Variants in SLC23A2 observed in about 807,000 individuals in gnomAD.
SLC23A2 encodes the protein Na(+)/L-ascorbic acid transporter 2.
A neutral mutation model predicts 73.3 loss-of-function variants in SLC23A2; 36 were observed. The observed-to-expected ratio is 0.49, with a 90% CI of 0.38 to 0.65. The LOEUF (loss-of-function observed/expected upper bound fraction) is 0.65. Among genes scored for constraint, SLC23A2 ranks in the 30% least tolerant of loss-of-function variants. The probability of loss-of-function intolerance (pLI) is 0.00; values close to 1 mark genes in which losing one functional copy is unlikely to be tolerated. For synonymous variants in SLC23A2, 343 were observed against 327.3 expected, an observed-to-expected ratio of 1.05 and a Z score of -0.52; for missense variants, 507 against 841.6, an observed-to-expected ratio of 0.60 and a Z score of 4.92.
chr20:4,866,342 A>T (rs180835791), intron 13 of SLC23A2, among the ~76,000 whole-genome samples: 1 of 152,352 alleles, frequency 6.6e-6, no homozygotes, highest in East Asian at 1.9e-4. Flanking sequence ...CCACAGATAC[A>T]GAGGGCCGGC....
At chr20:4,909,536 T>G (rs1932070649) in intron 4 of SLC23A2, among the ~76,000 whole-genome samples, 1 of 152,104 alleles carries the variant, frequency 6.6e-6, no homozygotes, top group Non-Finnish European at 1.5e-5. Context: ...TTAAAGAGAA[T>G]CCACAGGGAT....
At chr20:4,970,670 A>T (rs2087546751) in intron 2 of SLC23A2, 123 bp downstream of exon 2, 1 of 152,248 alleles carries the variant, frequency 6.6e-6, no homozygotes, top group Admixed American at 6.5e-5. Context: ...CCAGTAGGCC[A>T]AGGCTGCCAC....
chr20:4,964,202 C>G (rs1448729311), intron 2 of SLC23A2, among the ~76,000 whole-genome samples: 1 of 151,918 alleles, frequency 6.6e-6, no homozygotes, highest in African/African-American at 2.4e-5. Flanking sequence ...CCCACGTTGC[C>G]CTGGCTGGTC....
chr20:4,933,072 T>C (rs1228374632), intron 2 of SLC23A2, among the ~76,000 whole-genome samples: 1 of 152,242 alleles, frequency 6.6e-6, no homozygotes, highest in Non-Finnish European at 1.5e-5. Flanking sequence ...GTTATATATC[T>C]GTCCTATCCA....
chr20:4,944,790 A>G (rs1161168326), intron 2 of SLC23A2, among the ~76,000 whole-genome samples: 1 of 152,220 alleles, frequency 6.6e-6, no homozygotes, highest in Non-Finnish European at 1.5e-5. Context: ...AGGTTCAATG[A>G]TGAAGCACAT....
intron 1 of SLC23A2, among the ~76,000 whole-genome samples, chr20:4,990,244 G>A (rs1032212342): frequency 6.6e-6 from 1 of 152,174 alleles, no homozygotes; most frequent in Non-Finnish European, 1.5e-5. Context: ...GACTGGCCAG[G>A]TGCAGTGGCT....
At chr20:4,984,769 C>T (rs147856922) in intron 1 of SLC23A2, among the ~76,000 whole-genome samples, 1 of 152,176 alleles carries the variant, frequency 6.6e-6, no homozygotes, top group East Asian at 1.9e-4. Context: ...TCAGCAAGGA[C>T]ACAGAGAAAT....
At chr20:4,925,170 A>G (rs2122925552) in intron 3 of SLC23A2, among the ~76,000 whole-genome samples, 1 of 151,814 alleles carries the variant, frequency 6.6e-6, no homozygotes, top group South Asian at 2.1e-4. Flanking sequence ...ATGATAGAGC[A>G]AGACTCTGTC....
At position 4,862,896 on chromosome 20, in the gene SLC23A2, G is replaced by T. The variant is rs1228807141; in HGVS notation, c.1368C>A (p.Arg456=). The T allele has an allele frequency of 1.2e-5, 20 of 1,610,906 alleles. No individual in the cohort carries two copies. The highest frequency in any genetic ancestry group is 1.7e-5 in the Non-Finnish European group (20 of 1,177,880). The change falls in exon 14 of 17, where the codon CGC becomes CGA. Residue 456 remains arginine (R), a synonymous_variant. Transcript: ENST00000338244. This position sits in a 1 kb window ranked among gnomAD's most constrained non-coding sequence, Gnocchi z 5.1. ...GGGCTGCTCCGCACTGTATCACGCG[G>T]CGGCTGCCGACCTGCAGAACACACA... The part of the protein sequence containing the change: ...GVLGITKVGS[R]RVIQCGAALM...
intron 3 of SLC23A2, among the ~76,000 whole-genome samples, chr20:4,929,959 G>A (rs967844301): frequency 2.0e-4 from 30 of 152,176 alleles, no homozygotes; most frequent in Admixed American, 1.8e-3. Flanking sequence ...CTAAGATGGT[G>A]ACCATCCACA....
At chr20:4,882,671 T>C (rs1404052902) in intron 9 of SLC23A2, among the ~76,000 whole-genome samples, 3 of 152,130 alleles carry the variant, frequency 2.0e-5, no homozygotes, top group Admixed American at 1.3e-4. Context: ...TCACATTACG[T>C]CGTGGTGCTC....
chr20:4,884,767 G>A lies in SLC23A2; in HGVS notation c.628C>T (p.Pro210Ser). The part of the protein sequence containing the change: ...ELLHTEHIWY[P>S]RIREIQGAII... ...TTGTCTTTTACCTCTCGGATCCGGG[G>A]ATACCAGATGTGTTCTGTGTGCAAC... Residue 210 changes from proline to serine, a missense_variant, in exon 8 of 17, where the codon CCC becomes TCC. By Grantham distance (74) the Pro-to-Ser change is moderately conservative. Coordinates refer to ENST00000338244, the MANE Select transcript of SLC23A2 (RefSeq NM_005116.6). The A allele has an allele frequency of 6.2e-7, 1 of 1,608,582 alleles. No individual in the cohort carries two copies. Among genetic ancestry groups the A allele is most frequent in the Non-Finnish European group, 8.5e-7 (1 of 1,176,986 alleles).
intron 4 of SLC23A2, among the ~76,000 whole-genome samples, chr20:4,903,556 A>C (rs981857790): frequency 1.3e-5 from 2 of 152,240 alleles, no homozygotes; most frequent in Non-Finnish European, 2.9e-5. Flanking sequence ...AAAAATGCTG[A>C]TTCCATGTGT....
chr20:4,970,130 G>C (rs1236440748), intron 2 of SLC23A2, among the ~76,000 whole-genome samples: 2 of 152,088 alleles, frequency 1.3e-5, no homozygotes, highest in Admixed American at 1.3e-4. Context: ...GGAGGGCCAA[G>C]AGCAGGAGGT....
chr20:4,893,079 T>G (rs1210197916), intron 6 of SLC23A2, among the ~76,000 whole-genome samples: 1 of 152,012 alleles, frequency 6.6e-6, no homozygotes, highest in East Asian at 1.9e-4. Flanking sequence ...ACTTTTTTTT[T>G]TTTTAGACAG....
intron 2 of SLC23A2, among the ~76,000 whole-genome samples, chr20:4,961,238 T>G (rs2681110): frequency 6.6e-6 from 1 of 151,662 alleles, no homozygotes; most frequent in Non-Finnish European, 1.5e-5. Context: ...CGTGTCACCA[T>G]GCCCAGCTAA....
Position 4,997,086 on chromosome 20 carries a change from G to T in SLC23A2, c.-282+4320C>A, listed in dbSNP as rs1246406080. Among the ~76,000 whole-genome samples, 7 of 152,078 alleles carry T rather than the reference G, an allele frequency of 4.6e-5. No homozygotes were observed. The South Asian group carries it at 1.0e-3, about 23-fold the overall frequency. On this transcript the variant is annotated intron_variant, in intron 1 of 16. Coordinates refer to ENST00000338244, the MANE Select transcript of SLC23A2 (RefSeq NM_005116.6). ...CCTCAGTTTTCTTTCTGGTTCATCA[G>T]CAAATCTCAACCTCACCTTGAAATC...
At chr20:5,000,389 C>A (rs2088098684) in intron 1 of SLC23A2, among the ~76,000 whole-genome samples, 1 of 152,122 alleles carries the variant, frequency 6.6e-6, no homozygotes. Flanking sequence ...GGTCACATGG[C>A]CAATTAGTGA....
intron 7 of SLC23A2, 49 bp from the exon 8 acceptor site, chr20:4,884,872 A>G (rs951463499): frequency 9.6e-7 from 1 of 1,040,460 alleles, no homozygotes; most frequent in East Asian, 2.6e-5. Flanking sequence ...GATGTCTCAC[A>G]TGACATATTC....
Sources: allele counts gnomAD v4.1 joint callset (sites outside exome capture counted in the v4.1 genomes callset), GRCh38; gene constraint gnomAD v4.1.1; non-coding constraint Gnocchi (gnomAD v3.1); transcripts MANE v1.5; gene names NCBI Gene and HGNC (gene_info 2026-07-23, HGNC 2026-07-21).